NFATC2: variants seen among roughly 807,000 people sequenced by gnomAD.
The protein encoded by NFATC2 is nuclear factor of activated T-cells, cytoplasmic 2.
Under a neutral mutation model 87.3 loss-of-function variants are expected in NFATC2, and 22 were observed. The observed-to-expected ratio is 0.25, with a 90% CI of 0.18 to 0.36. The LOEUF is 0.36. Among genes scored for constraint, NFATC2 ranks in the 10% least tolerant of loss-of-function variants. NFATC2 has a pLI of 1.00. For synonymous variants in NFATC2, 565 were observed against 542.2 expected (o/e 1.04, Z -0.58); for missense variants, 1,149 against 1,259.1 (o/e 0.91, Z 1.32).
intron 1 of NFATC2, among the ~76,000 whole-genome samples, chr20:51,554,795 T>C (rs956481364): frequency 1.5e-4 from 23 of 152,124 alleles, no homozygotes; most frequent in Admixed American, 1.5e-3. Context: ...TAAGGGTGGA[T>C]TTGCCAAGGG....
chr20:51,414,785 C>T (rs527685215), intron 9 of NFATC2, among the ~76,000 whole-genome samples: 2 of 152,228 alleles, frequency 1.3e-5, no homozygotes, highest in African/African-American at 4.8e-5. Flanking sequence ...CGCACAGCCG[C>T]AGTCATCCTC....
chr20:51,438,875 A>G (rs1260561223), intron 6 of NFATC2, among the ~76,000 whole-genome samples: 1 of 152,246 alleles, frequency 6.6e-6, no homozygotes, highest in African/African-American at 2.4e-5. Flanking sequence ...GACCCACAGT[A>G]GTTATTAAAT....
chr20:51,522,066 G>A (rs59994859), intron 2 of NFATC2, among the ~76,000 whole-genome samples: 5 of 152,150 alleles, frequency 3.3e-5, no homozygotes, highest in South Asian at 2.1e-4. Context: ...ATGGGAGGAT[G>A]TGCATAGGTT....
At chr20:51,553,026 A>T (rs2076947058) in intron 1 of NFATC2, among the ~76,000 whole-genome samples, 1 of 151,954 alleles carries the variant, frequency 6.6e-6, no homozygotes, top group South Asian at 2.1e-4. Context: ...TCCATGTCGA[A>T]CTAACATTTT....
rs181236620 is a variant in NFATC2 at position 51,387,440 on chromosome 20, G to A, written c.*4056C>T. Reference sequence around the variant, plus strand: ...TTTCACTTCCAGCTCCCAGGACCCTGATGGCTCAGGGAGCAACTCTCTGTT... The same window carrying A: ...TTTCACTTCCAGCTCCCAGGACCCTAATGGCTCAGGGAGCAACTCTCTGTT... On this transcript the variant is annotated 3_prime_UTR_variant, in exon 11 of 11. Coordinates refer to ENST00000371564, the MANE Select transcript of NFATC2 (RefSeq NM_012340.5). 1 of 152,200 alleles carries A rather than the reference G, an allele frequency of 6.6e-6. No homozygotes were observed. Among genetic ancestry groups the A allele is most frequent in the Admixed American group, 6.5e-5 (1 of 15,280 alleles). 9.4% of individuals were successfully genotyped at this position (152,200 alleles called of 1,614,324 possible).
At chr20:51,549,176 G>A (rs376374599) in intron 1 of NFATC2, among the ~76,000 whole-genome samples, 5 of 152,078 alleles carry the variant, frequency 3.3e-5, no homozygotes, top group African/African-American at 1.2e-4. Flanking sequence ...TCCAAAACAA[G>A]GAGTGAGAGA....
At chr20:51,454,938 G>C (rs1986243529) in intron 5 of NFATC2, among the ~76,000 whole-genome samples, 1 of 152,216 alleles carries the variant, frequency 6.6e-6, no homozygotes, top group Non-Finnish European at 1.5e-5. Flanking sequence ...AAGGGACAGA[G>C]GCCTGTTCTC....
At chr20:51,460,352 C>T (rs1199523339) in intron 5 of NFATC2, among the ~76,000 whole-genome samples, 1 of 152,130 alleles carries the variant, frequency 6.6e-6, no homozygotes, top group Non-Finnish European at 1.5e-5. Flanking sequence ...CTCTGAGCCT[C>T]AGTCTCCCCA....
intron 6 of NFATC2, 47 bp from the exon 7 acceptor site, chr20:51,435,808 C>A: frequency 6.6e-7 from 1 of 1,521,682 alleles, no homozygotes; most frequent in Non-Finnish European, 9.0e-7. Flanking sequence ...TATTAGAAAC[C>A]AAAGATTTAA....
chr20:51,402,623 C>A (rs374388623), intron 9 of NFATC2, among the ~76,000 whole-genome samples: 7 of 151,404 alleles, frequency 4.6e-5, no homozygotes, highest in Admixed American at 3.3e-4. Flanking sequence ...AAGACATATA[C>A]CATAAACCCC....
intron 9 of NFATC2, among the ~76,000 whole-genome samples, chr20:51,414,559 C>A (rs1387775496): frequency 6.6e-6 from 1 of 152,086 alleles, no homozygotes; most frequent in Admixed American, 6.5e-5. Context: ...TGTGGTGGCA[C>A]ACACCTATAA....
intron 3 of NFATC2, among the ~76,000 whole-genome samples, chr20:51,493,359 G>C (rs192780625): frequency 1.8e-4 from 27 of 152,238 alleles, no homozygotes; most frequent in Admixed American, 1.6e-3. Flanking sequence ...TGTAATTCTT[G>C]TCGTTTTCTC....
At chr20:51,526,282 T>C (rs938863286) in intron 1 of NFATC2, among the ~76,000 whole-genome samples, 4 of 152,002 alleles carry the variant, frequency 2.6e-5, no homozygotes, top group African/African-American at 9.7e-5. Context: ...TGTTTGTAAA[T>C]AGTTTTATGA....
rs189774793 is a variant in NFATC2 at position 51,483,070 on chromosome 20, C to T, written c.1333-7410G>A. Among the ~76,000 whole-genome samples, 13 of 152,290 alleles carry T rather than the reference C, an allele frequency of 8.5e-5. 1 individual carries two copies. The highest frequency in any genetic ancestry group is 6.5e-4 in the Admixed American group (10 of 15,306). On this transcript the variant is annotated intron_variant, in intron 3 of 10. Transcript: ENST00000371564. The stretch of plus-strand genomic sequence containing the variant: ...TTTGGCCCCCTGGTGCCTCTCTTCC[C>T]GCAACCCAGCCCCAGCCCTTGCGTG...
intron 1 of NFATC2, among the ~76,000 whole-genome samples, chr20:51,537,365 AG>A (rs756760898): frequency 1.4e-4 from 21 of 152,182 alleles, no homozygotes; most frequent in Non-Finnish European, 1.9e-4. Flanking sequence ...AGATTTCATC[AG>A]CTTTTTAAAG....
intron 1 of NFATC2, among the ~76,000 whole-genome samples, chr20:51,536,233 G>A (rs1048264078): frequency 4.6e-5 from 7 of 152,086 alleles, no homozygotes; most frequent in African/African-American, 7.2e-5. Flanking sequence ...ACATCCCACC[G>A]TACATGAGAC....
At chr20:51,559,842 G>A (rs2077006925) in intron 1 of NFATC2, among the ~76,000 whole-genome samples, 1 of 152,174 alleles carries the variant, frequency 6.6e-6, no homozygotes. Flanking sequence ...TTTACTGCAT[G>A]TTAAGCACAG....
intron 9 of NFATC2, among the ~76,000 whole-genome samples, chr20:51,424,715 C>T (rs1158917305): frequency 6.6e-6 from 1 of 152,126 alleles, no homozygotes; most frequent in Non-Finnish European, 1.5e-5. Context: ...CAGGACAAAT[C>T]GTCAGCACTG....
chr20:51,466,513 A>AG (rs397701210), intron 5 of NFATC2, among the ~76,000 whole-genome samples: 2 of 151,554 alleles, frequency 1.3e-5, no homozygotes, highest in African/African-American at 2.4e-5. Flanking sequence ...GGAAAAAAAA[A>AG]GGCATCAGAA....
Sources: allele counts gnomAD v4.1 joint callset (sites outside exome capture counted in the v4.1 genomes callset), GRCh38; gene constraint gnomAD v4.1.1; transcripts MANE v1.5; gene names NCBI Gene and HGNC (gene_info 2026-07-23, HGNC 2026-07-21).